The following SLIT2 variants were observed in gnomAD, a reference collection of about 807,000 sequenced individuals.
SLIT2 encodes slit guidance ligand 2.
SLIT2 carries 41 observed loss-of-function variants against 185.7 expected under a neutral mutation model. The observed-to-expected ratio is 0.22, with a 90% CI of 0.17 to 0.29. SLIT2 has a LOEUF of 0.29. Among genes scored for constraint, SLIT2 ranks in the 10% least tolerant of loss-of-function variants. SLIT2 has a pLI of 1.00. For missense variants in SLIT2, 1,571 were observed against 1,909.0 expected (o/e 0.82, Z 3.30); for synonymous variants, 693 against 680.2 (o/e 1.02, Z -0.29).
At chr4:20,447,792 G>A (rs1322384641) in intron 4 of SLIT2, among the ~76,000 whole-genome samples, 1 of 152,224 alleles carries the variant, frequency 6.6e-6, no homozygotes, top group African/African-American at 2.4e-5. Flanking sequence ...ACACACGCAA[G>A]TGCCCACATG....
intron 4 of SLIT2, among the ~76,000 whole-genome samples, chr4:20,308,407 T>G (rs1308800078): frequency 1.3e-5 from 2 of 152,186 alleles, no homozygotes; most frequent in Non-Finnish European, 2.9e-5. Flanking sequence ...ATAGATTAGA[T>G]ATCAGAGAAG....
At chr4:20,380,288 A>G (rs1724388400) in intron 4 of SLIT2, among the ~76,000 whole-genome samples, 1 of 152,148 alleles carries the variant, frequency 6.6e-6, no homozygotes, top group Non-Finnish European at 1.5e-5. Flanking sequence ...ACAAATCCAA[A>G]TTGCTTAGCT....
At chr4:20,597,059 T>C (rs1478176206) in intron 32 of SLIT2, among the ~76,000 whole-genome samples, 2 of 150,082 alleles carry the variant, frequency 1.3e-5, no homozygotes, top group East Asian at 1.9e-4. Context: ...CCTTTTTTTT[T>C]GTTTTGTTGT....
chr4:20,375,690 T>C (rs539237122), intron 4 of SLIT2, among the ~76,000 whole-genome samples: 1 of 152,194 alleles, frequency 6.6e-6, no homozygotes, highest in South Asian at 2.1e-4. Context: ...CAGTTGATAT[T>C]TTAATATTTT....
chr4:20,456,989 A>G (rs1713145641), intron 4 of SLIT2, among the ~76,000 whole-genome samples: 1 of 152,116 alleles, frequency 6.6e-6, no homozygotes, highest in Admixed American at 6.6e-5. Flanking sequence ...TTAGGGAACC[A>G]AAGAGCAAGT....
At chr4:20,296,967 T>C (rs1052995599) in intron 4 of SLIT2, among the ~76,000 whole-genome samples, 3 of 152,230 alleles carry the variant, frequency 2.0e-5, no homozygotes, top group Non-Finnish European at 4.4e-5. Context: ...ACACACATTA[T>C]GTTATGCGCA....
At chr4:20,498,656 G>T (rs1181283076) in intron 9 of SLIT2, among the ~76,000 whole-genome samples, 3 of 152,148 alleles carry the variant, frequency 2.0e-5, no homozygotes, top group African/African-American at 4.8e-5. Flanking sequence ...AATTTGGTTT[G>T]TTGTGTTTGC....
chr4:20,454,156 C>T (rs915718417), intron 4 of SLIT2, among the ~76,000 whole-genome samples: 2 of 152,168 alleles, frequency 1.3e-5, no homozygotes, highest in African/African-American at 4.8e-5. Context: ...GGCTTCAAAC[C>T]TCTCCCCAGT....
At chr4:20,509,097 ATATATGGT>A (rs1413189793) in intron 9 of SLIT2, among the ~76,000 whole-genome samples, 1 of 151,870 alleles carries the variant, frequency 6.6e-6, no homozygotes, top group Non-Finnish European at 1.5e-5. Flanking sequence ...TATATGACAC[ATATATGGT>A]CAGTATGTTG....
intron 16 of SLIT2, among the ~76,000 whole-genome samples, chr4:20,531,589 G>T (rs550960303): frequency 1.3e-5 from 2 of 152,124 alleles, no homozygotes; most frequent in African/African-American, 4.8e-5. Context: ...AAGGGTAAAT[G>T]TTCTGGCATG....
At chr4:20,380,226 C>T (rs2109339763) in intron 4 of SLIT2, among the ~76,000 whole-genome samples, 1 of 152,290 alleles carries the variant, frequency 6.6e-6, no homozygotes, top group Middle Eastern at 3.4e-3. Flanking sequence ...AGATCAAATG[C>T]TCTTCTGGAC....
At chr4:20,377,296 T>C (rs955871957) in intron 4 of SLIT2, among the ~76,000 whole-genome samples, 4 of 152,112 alleles carry the variant, frequency 2.6e-5, no homozygotes, top group Non-Finnish European at 5.9e-5. Context: ...TCAGGTACAA[T>C]TGAAAGAAAC....
chr4:20,258,757 A>G (rs1452930708), intron 3 of SLIT2, among the ~76,000 whole-genome samples: 2 of 151,744 alleles, frequency 1.3e-5, no homozygotes. Flanking sequence ...CAGGTTTGAT[A>G]TGTTTGCATT....
At chr4:20,505,964 T>C (rs1322985212) in intron 9 of SLIT2, among the ~76,000 whole-genome samples, 1 of 152,016 alleles carries the variant, frequency 6.6e-6, no homozygotes, top group African/African-American at 2.4e-5. Context: ...AAACATACTT[T>C]TGAGTTATTT....
intron 9 of SLIT2, among the ~76,000 whole-genome samples, chr4:20,500,899 C>T (rs1366272779): frequency 6.6e-6 from 1 of 152,048 alleles, no homozygotes; most frequent in Admixed American, 6.5e-5. Flanking sequence ...CTAGTTTTTC[C>T]TCTATCAAAT....
intron 4 of SLIT2, among the ~76,000 whole-genome samples, chr4:20,300,059 A>G (rs1321648901): frequency 1.3e-5 from 2 of 152,142 alleles, no homozygotes; most frequent in African/African-American, 4.8e-5. Context: ...GCTCATAAAA[A>G]TTCTTTAGTA....
intron 9 of SLIT2, among the ~76,000 whole-genome samples, chr4:20,500,739 T>C (rs2148812540): frequency 6.6e-6 from 1 of 152,256 alleles, no homozygotes; most frequent in East Asian, 1.9e-4. Context: ...GTGTAGAAAA[T>C]AGTTTTGTTA....
At chr4:20,443,750 T>C (rs1044912902) in intron 4 of SLIT2, among the ~76,000 whole-genome samples, 1 of 152,152 alleles carries the variant, frequency 6.6e-6, no homozygotes, top group Admixed American at 6.5e-5. Flanking sequence ...AGCTTAACTA[T>C]AGCCTTGAAA....
At position 20,406,460 on chromosome 4, in the gene SLIT2, A is replaced by G. The variant is rs1321118695; in HGVS notation, c.396-61292A>G. On this transcript the variant is annotated intron_variant, in intron 4 of 36. Transcript: ENST00000504154. ...TTACAAATCAATAAGATAAAAGCAA[A>G]TAACCCAATAAAAACGAAAGAGAGG... Among the ~76,000 whole-genome samples the G allele has an allele frequency of 1.4e-5, 2 of 143,678 alleles. 1 individual carries two copies. The highest frequency in any genetic ancestry group is 3.1e-5 in the Non-Finnish European group (2 of 64,496). The allele number at this position is 143,678 out of a possible 152,430, so 94.3% of individuals were successfully genotyped here.
Sources: gnomAD v4.1 joint callset for allele counts (sites outside exome capture counted in the v4.1 genomes callset) on GRCh38, gnomAD v4.1.1 for gene constraint, MANE v1.5 for transcripts, NCBI Gene and HGNC (gene_info 2026-07-23, HGNC 2026-07-21) for gene names.